Variants in TAFA4 observed in about 807,000 individuals in gnomAD.
TAFA4 encodes the protein TAFA chemokine like family member 4.
In TAFA4, 20 loss-of-function variants were observed where a neutral mutation model predicts 21.1. That is an observed-to-expected ratio of 0.95 (90% CI 0.67 to 1.38). TAFA4 has a LOEUF of 1.38. TAFA4 is among the 40% of genes most tolerant of loss of function. TAFA4 has a pLI of 0.00. For synonymous variants in TAFA4, 71 were observed against 67.4 expected, an observed-to-expected ratio of 1.05 and a Z score of -0.26; for missense variants, 211 against 180.9, an observed-to-expected ratio of 1.17 and a Z score of -0.95.
chr3:68,747,520 A>C (rs1003543268), intron 4 of TAFA4, among the ~76,000 whole-genome samples: 1 of 152,098 alleles, frequency 6.6e-6, no homozygotes, highest in African/African-American at 2.4e-5. Flanking sequence ...CCTTCACCTT[A>C]CACCACGATG....
chr3:68,821,004 T>C (rs995322138), intron 3 of TAFA4, among the ~76,000 whole-genome samples: 2 of 152,234 alleles, frequency 1.3e-5, no homozygotes, highest in Non-Finnish European at 2.9e-5. Flanking sequence ...TGATGTAGTG[T>C]ACAAATACCC....
intron 4 of TAFA4, among the ~76,000 whole-genome samples, chr3:68,745,242 G>A (rs1702435444): frequency 6.6e-6 from 1 of 152,122 alleles, no homozygotes; most frequent in Admixed American, 6.5e-5. Flanking sequence ...TCACTAGCAG[G>A]GACAAAGGAC....
At chr3:68,906,295 C>T (rs1409585206) in intron 1 of TAFA4, among the ~76,000 whole-genome samples, 2 of 152,216 alleles carry the variant, frequency 1.3e-5, no homozygotes, top group African/African-American at 4.8e-5. Context: ...CCTCCCTGGG[C>T]ATTAGAATTG....
chr3:68,788,252 G>A (rs575383277), intron 3 of TAFA4, among the ~76,000 whole-genome samples: 2 of 152,146 alleles, frequency 1.3e-5, no homozygotes, highest in East Asian at 3.9e-4. Context: ...CACTACCCTG[G>A]CCACACTACT....
intron 1 of TAFA4, among the ~76,000 whole-genome samples, chr3:68,902,419 C>T (rs931768557): frequency 6.6e-6 from 1 of 152,036 alleles, no homozygotes; most frequent in Non-Finnish European, 1.5e-5. Flanking sequence ...TCAGGCTGGA[C>T]TGCAGTGGCA....
chr3:68,756,030 C>T (rs1702653878), intron 3 of TAFA4, among the ~76,000 whole-genome samples: 1 of 152,160 alleles, frequency 6.6e-6, no homozygotes, highest in Admixed American at 6.5e-5. Context: ...GATCCTACAG[C>T]CCCAGCCAAC....
intron 3 of TAFA4, among the ~76,000 whole-genome samples, chr3:68,810,366 G>C (rs754455744): frequency 6.6e-6 from 1 of 152,146 alleles, no homozygotes; most frequent in African/African-American, 2.4e-5. Flanking sequence ...AGCCGAAGCA[G>C]GGCAAGACAT....
At chr3:68,863,378 C>T (rs2089375853) in intron 3 of TAFA4, among the ~76,000 whole-genome samples, 1 of 152,058 alleles carries the variant, frequency 6.6e-6, no homozygotes, top group Non-Finnish European at 1.5e-5. Context: ...CCTTTTAAGT[C>T]TATTTGTATT....
chr3:68,909,484 C>A (rs978245182), intron 1 of TAFA4, among the ~76,000 whole-genome samples: 1 of 152,112 alleles, frequency 6.6e-6, no homozygotes, highest in Non-Finnish European at 1.5e-5. Flanking sequence ...CTCAATCAAC[C>A]CATGAAATAG....
chr3:68,925,668 T>G (rs2090100707), intron 1 of TAFA4, among the ~76,000 whole-genome samples: 1 of 152,160 alleles, frequency 6.6e-6, no homozygotes, highest in Admixed American at 6.5e-5. Flanking sequence ...ATGACTAATA[T>G]TAAGATAAAT....
intron 3 of TAFA4, among the ~76,000 whole-genome samples, chr3:68,854,177 A>G (rs1222937744): frequency 6.6e-6 from 1 of 152,070 alleles, no homozygotes; most frequent in East Asian, 1.9e-4. Flanking sequence ...CAAGTTCTCA[A>G]TGCAATGGAG....
intron 3 of TAFA4, among the ~76,000 whole-genome samples, chr3:68,841,000 A>T (rs1230317916): frequency 6.6e-6 from 1 of 152,184 alleles, no homozygotes; most frequent in Non-Finnish European, 1.5e-5. Context: ...ATCTAACATC[A>T]TTAAAAGGCT....
At chr3:68,763,997 TAGTG>T (rs1396143367) in intron 3 of TAFA4, among the ~76,000 whole-genome samples, 1 of 152,182 alleles carries the variant, frequency 6.6e-6, no homozygotes, top group Non-Finnish European at 1.5e-5. Context: ...ACTTACTTCT[TAGTG>T]AACCTAATCC....
intron 3 of TAFA4, among the ~76,000 whole-genome samples, chr3:68,781,394 GAAC>G (rs977797340): frequency 5.3e-5 from 8 of 151,168 alleles, no homozygotes; most frequent in Admixed American, 5.3e-4. Flanking sequence ...AATTAATCAA[GAAC>G]AAAAGAGAAA....
At chr3:68,930,710 C>T (rs1480968364) in intron 1 of TAFA4, among the ~76,000 whole-genome samples, 2 of 152,226 alleles carry the variant, frequency 1.3e-5, no homozygotes, top group African/African-American at 4.8e-5. Flanking sequence ...GAAAACTGCT[C>T]TCACACTACC....
At chr3:68,757,753 A>T (rs1267917220) in intron 3 of TAFA4, among the ~76,000 whole-genome samples, 1 of 152,218 alleles carries the variant, frequency 6.6e-6, no homozygotes, top group East Asian at 1.9e-4. Context: ...CACTGATTTT[A>T]AGATACATAT....
At chr3:68,749,119 A>AATGT (rs1374049082) in intron 4 of TAFA4, among the ~76,000 whole-genome samples, 10 of 152,172 alleles carry the variant, frequency 6.6e-5, no homozygotes, top group Admixed American at 2.0e-4. Flanking sequence ...CCAAATCCCC[A>AATGT]ATGTATATTA....
chr3:68,814,210 A>G (rs1703909577), intron 3 of TAFA4, among the ~76,000 whole-genome samples: 1 of 152,194 alleles, frequency 6.6e-6, no homozygotes, highest in South Asian at 2.1e-4. Flanking sequence ...AGCCAATATC[A>G]TACTGAATGG....
At position 68,896,942 on chromosome 3, in the gene TAFA4, C is replaced by T. The variant is rs538309868; in HGVS notation, c.-122-11632G>A. Among the ~76,000 whole-genome samples the T allele has an allele frequency of 1.2e-4, 19 of 152,354 alleles. No individual in the cohort carries two copies. In the South Asian group the frequency reaches 3.9e-3, roughly 32 times the overall value. Reference sequence around the variant, plus strand: ...TTATTGAGACGAAGTCTCAGTCTGTCACCCAGGCTGGAGTACAATGGCGCG... The same window carrying T: ...TTATTGAGACGAAGTCTCAGTCTGTTACCCAGGCTGGAGTACAATGGCGCG... On this transcript the variant is annotated intron_variant, in intron 1 of 5. Transcript: ENST00000295569.
Sources: allele counts gnomAD v4.1 joint callset (sites outside exome capture counted in the v4.1 genomes callset), GRCh38; gene constraint gnomAD v4.1.1; transcripts MANE v1.5; gene names NCBI Gene and HGNC (gene_info 2026-07-23, HGNC 2026-07-21).